The following CYB5RL variants were observed in gnomAD, a reference collection of about 807,000 sequenced individuals.
The protein encoded by CYB5RL is NADH-cytochrome b5 reductase-like.
In CYB5RL, 38 loss-of-function variants were observed where a neutral mutation model predicts 37.5. The ratio of observed to expected loss-of-function variants is 1.01; its 90% CI spans 0.78 to 1.33. The LOEUF is 1.33. Ranked by LOEUF, CYB5RL falls within the 40% of genes most tolerant of loss-of-function variation. The pLI, the probability that CYB5RL is intolerant of heterozygous loss-of-function variation, is 0.00. For synonymous variants in CYB5RL, 141 were observed against 151.9 expected (o/e 0.93, Z 0.53); for missense variants, 388 against 394.4 (o/e 0.98, Z 0.14).
intron 6 of CYB5RL, among the ~76,000 whole-genome samples, 157 bp from the exon 7 acceptor site, chr1:54,179,509 G>A (rs184709730): frequency 6.6e-5 from 10 of 152,286 alleles, no homozygotes; most frequent in African/African-American, 1.9e-4. Flanking sequence ...CCTCCAGAAA[G>A]CCGTCCTTGT....
Position 54,171,558 on chromosome 1 carries a change from G to T in CYB5RL, c.*3061C>A. Reference sequence around the variant, plus strand: ...TTCTGCGACCAAGAATCTGTCCTCAGGCCCTCTAGTAGCTGTTGCCTTCCT... The same window carrying T: ...TTCTGCGACCAAGAATCTGTCCTCATGCCCTCTAGTAGCTGTTGCCTTCCT... On this transcript the variant is annotated 3_prime_UTR_variant, in exon 8 of 8. Coordinates refer to ENST00000534324, the MANE Select transcript of CYB5RL (RefSeq NM_001031672.4). 2.5e-6 allele frequency: 1 copy of T among 401,314 alleles called. No individual in the cohort carries two copies. The highest frequency in any genetic ancestry group is 7.2e-5 in the East Asian group (1 of 13,882). The allele number at this position is 401,314 out of a possible 1,614,324, so 24.9% of individuals were successfully genotyped here. A position where few individuals can be genotyped will look rare whatever the true frequency, so the allele number is the denominator to read the frequency against.
intron 7 of CYB5RL, among the ~76,000 whole-genome samples, chr1:54,177,169 T>C (rs972932492): frequency 3.3e-5 from 5 of 151,936 alleles, no homozygotes; most frequent in Admixed American, 2.6e-4. Context: ...GGTGGTAGGG[T>C]CAGATCTGCC....
intron 7 of CYB5RL, chr1:54,175,777 A>G (rs1002409995): frequency 7.8e-5 from 21 of 270,540 alleles, no homozygotes; most frequent in African/African-American, 4.6e-4. Flanking sequence ...ATTAGGTATT[A>G]TAATTTAGAG....
At chr1:54,184,100 C>A in intron 6 of CYB5RL, 61 bp downstream of exon 6, 3 of 1,471,284 alleles carry the variant, frequency 2.0e-6, no homozygotes, top group Non-Finnish European at 2.8e-6. Context: ...ATGCTATGGG[C>A]CGAAACATGA....
intron 3 of CYB5RL, among the ~76,000 whole-genome samples, chr1:54,192,789 T>C (rs1037651590): frequency 2.0e-5 from 3 of 151,768 alleles, no homozygotes; most frequent in Non-Finnish European, 4.4e-5. Context: ...AGAGTGTTGC[T>C]GTGTCGCCCA....
intron 4 of CYB5RL, chr1:54,188,004 A>G (rs1643918716): frequency 6.7e-6 from 3 of 445,996 alleles, no homozygotes; most frequent in Non-Finnish European, 1.2e-5. Context: ...TGAACCCGGG[A>G]GGTGGAGGTT....
rs1643976445 is a variant in CYB5RL, at chr1:54,193,582, G to A, written c.198+1837C>T. ...AAAGTCATGCATGCCTGTAATCCCA[G>A]CAAGCACTTTGGGAGGCCAAGAGGG... On this transcript the variant is annotated intron_variant, in intron 3 of 7. Coordinates refer to ENST00000534324, the MANE Select transcript of CYB5RL (RefSeq NM_001031672.4). Among the ~76,000 whole-genome samples the A allele has an allele frequency of 2.0e-5, 3 of 152,118 alleles. No individual in the cohort carries two copies. In the South Asian group the frequency reaches 6.2e-4, roughly 32 times the overall value.
chr1:54,170,933 A>G lies in CYB5RL; in HGVS notation c.*3686T>C, dbSNP rs1453304099. The G allele has an allele frequency of 6.4e-5, 22 of 343,236 alleles. No homozygotes were observed. In the Admixed American group the frequency reaches 8.3e-4, roughly 13 times the overall value. 21.3% of individuals were successfully genotyped at this position (343,236 alleles called of 1,614,324 possible). ...AGGAAACACCTTTTGCCACCTGGAA[A>G]GCACTTCCTGAACATTAGTTGTTTA... On this transcript the variant is annotated 3_prime_UTR_variant, in exon 8 of 8. Coordinates refer to ENST00000534324, the MANE Select transcript of CYB5RL (RefSeq NM_001031672.4).
In CYB5RL at chr1:54,190,874, G is replaced by C; in HGVS notation, c.221C>G (p.Pro74Arg). Residue 74 changes from proline to arginine, a missense_variant, in exon 4 of 8, where the codon CCA (proline) becomes CGA (arginine). Transcript: ENST00000534324. ...ESQSCPSKLN[P>R]ETFVAFCIIA... ...GATGCAGAAGGCCACGAAGGTCTCT[G>C]GGTTCAGCTTGGAGGGGCAGCTCTG... 6.2e-7 allele frequency: 1 copy of C among 1,612,026 alleles called. No individual in the cohort carries two copies. The highest frequency in any genetic ancestry group is 8.5e-7 in the Non-Finnish European group (1 of 1,179,270).
intron 5 of CYB5RL, chr1:54,185,717 G>A (rs141527915): frequency 6.6e-6 from 1 of 152,354 alleles, no homozygotes; most frequent in African/African-American, 2.4e-5. Context: ...CCCTATCTAG[G>A]GGGAGGCATG....
rs1659852325 is a variant in CYB5RL at position 54,169,879 on chromosome 1, G to A, written c.*4740C>T. 6.6e-6 allele frequency: 1 copy of A among 152,264 alleles called. No individual in the cohort carries two copies. Among genetic ancestry groups the A allele is most frequent in the East Asian group, 1.9e-4 (1 of 5,184 alleles). 9.4% of individuals were successfully genotyped at this position (152,264 alleles called of 1,614,324 possible). On this transcript the variant is annotated 3_prime_UTR_variant, in exon 8 of 8. Coordinates refer to ENST00000534324, the MANE Select transcript of CYB5RL (RefSeq NM_001031672.4). Reference sequence around the variant, plus strand: ...ACCACAGGCCACCACTATCCTTGAAGCTGGTGTGTCTCTGTCTCTTCCTGA... The same window carrying A: ...ACCACAGGCCACCACTATCCTTGAAACTGGTGTGTCTCTGTCTCTTCCTGA...
At chr1:54,196,910 T>A (rs1557727152) in intron 1 of CYB5RL, among the ~76,000 whole-genome samples, 1 of 151,604 alleles carries the variant, frequency 6.6e-6, no homozygotes, top group Admixed American at 6.6e-5. Context: ...AAGACAGGGG[T>A]CAATGAGAGA....
chr1:54,195,858 A>T (rs1440157711), intron 2 of CYB5RL, 143 bp from the exon 3 acceptor site: 1 of 392,130 alleles, frequency 2.6e-6, no homozygotes. Context: ...GGGGAGCATT[A>T]ACCACTTACT....
chr1:54,184,396 C>T (rs1329097577), intron 5 of CYB5RL, 131 bp from the exon 6 acceptor site: 2 of 745,730 alleles, frequency 2.7e-6, no homozygotes, highest in Admixed American at 2.7e-5. Context: ...AATCGTCCTC[C>T]TTATCCTACA....
At position 54,174,822 on chromosome 1, in the gene CYB5RL, C is replaced by T; in HGVS notation, c.745G>A (p.Glu249Lys). 1 of 1,612,076 alleles carries T rather than the reference C, an allele frequency of 6.2e-7. No homozygotes were observed. Among genetic ancestry groups the T allele is most frequent in the Admixed American group, 1.7e-5 (1 of 59,982 alleles). ...CAGGGAAGCTGCTCTGAGGAGCTCTCCTGGGAAGACAAGAAAGGCATGGGT... is the reference window on the plus strand; with the variant it reads ...CAGGGAAGCTGCTCTGAGGAGCTCTTCTGGGAAGACAAGAAAGGCATGGGT... Reference protein sequence around the residue: ...NVRTFFVLSQESSSEQLPWSY... With the variant: ...NVRTFFVLSQKSSSEQLPWSY... The change falls in exon 8 of 8, where the codon GAG (glutamate) becomes AAG (lysine). Residue 249 changes from glutamate (E) to lysine (K), a missense_variant and splice_region_variant. Physicochemically the swap from Glu to Lys is moderately conservative, Grantham distance 56 (BLOSUM62 1). Transcript: ENST00000534324.
At chr1:54,194,765 C>T (rs1027419378) in intron 3 of CYB5RL, among the ~76,000 whole-genome samples, 2 of 152,184 alleles carry the variant, frequency 1.3e-5, no homozygotes, top group African/African-American at 2.4e-5. Flanking sequence ...TGTTCAGATG[C>T]GGGAGACCAA....
At chr1:54,190,528 T>G (rs975651233) in intron 4 of CYB5RL, 8 of 644,878 alleles carry the variant, frequency 1.2e-5, no homozygotes, top group Non-Finnish European at 2.1e-5. Context: ...GAACTGTGCC[T>G]TGGATAGTAA....
Position 54,172,912 on chromosome 1 carries a change from CTCAGTCAGGGCCTT to C in CYB5RL, c.*1693_*1706del, listed in dbSNP as rs535551593. The C allele has an allele frequency of 2.0e-5, 3 of 152,354 alleles. No individual in the cohort carries two copies. Among genetic ancestry groups the C allele is most frequent in the South Asian group, 4.1e-4 (2 of 4,830 alleles). 9.4% of individuals were successfully genotyped at this position (152,354 alleles called of 1,614,324 possible). A position where few individuals can be genotyped will look rare whatever the true frequency, so the allele number is the denominator to read the frequency against. On this transcript the variant is annotated 3_prime_UTR_variant, in exon 8 of 8. Coordinates refer to ENST00000534324, the MANE Select transcript of CYB5RL (RefSeq NM_001031672.4). Reference sequence around the variant, plus strand: ...TGGTTCCTGCTCAGAATCTTTGACTCTCAGTCAGGGCCTTTCCCACTCACTATACTGTGCTAGAA... The same window carrying C: ...TGGTTCCTGCTCAGAATCTTTGACTCTCCCACTCACTATACTGTGCTAGAA...
At chr1:54,185,381 G>A (rs1233374719) in intron 5 of CYB5RL, 1 of 151,420 alleles carries the variant, frequency 6.6e-6, no homozygotes, top group Non-Finnish European at 1.5e-5. Context: ...GTGTAGTATG[G>A]TCAGGGGTAG....
Sources: gnomAD v4.1 joint callset for allele counts (sites outside exome capture counted in the v4.1 genomes callset) on GRCh38, gnomAD v4.1.1 for gene constraint, MANE v1.5 for transcripts, NCBI Gene and HGNC (gene_info 2026-07-23, HGNC 2026-07-21) for gene names.